OR4D9: variants seen among roughly 807,000 people sequenced by gnomAD.
OR4D9 encodes olfactory receptor family 4 subfamily D member 9, also known as olfactory receptor 4D9.
A neutral mutation model predicts 0.8 loss-of-function variants in OR4D9; 2 were observed. The observed-to-expected ratio is 2.58, with a 90% CI of 1.06 to 8.13. The LOEUF is 8.13. Among genes scored for constraint, OR4D9 ranks in the 30% most tolerant of loss-of-function variants. The pLI is 0.04. For synonymous variants in OR4D9, 146 were observed against 151.2 expected (o/e 0.97, Z 0.25); for missense variants, 399 against 384.7 (o/e 1.04, Z -0.31).
intron 1 of OR4D9, among the ~76,000 whole-genome samples, chr11:59,512,936 A>T (rs1034241340): frequency 1.3e-5 from 2 of 152,220 alleles, no homozygotes. Flanking sequence ...TGGTCCATTA[A>T]ATTTTGCTTT....
At position 59,511,694 on chromosome 11, in the gene OR4D9, A is replaced by C. The variant is rs1430128384; in HGVS notation, c.-177A>C. On this transcript the variant is annotated 5_prime_UTR_variant, in exon 1 of 3. An upstream start codon of the reference 5' UTR is lost. Transcript: ENST00000641962. ...TGCTGAATTTTGAGAAATGCTGCAA[A>C]TGTGTAGAATGTTCCTATGGAAGTC... The C allele has an allele frequency of 6.6e-6, 1 of 152,224 alleles. No homozygotes were observed. Among genetic ancestry groups the C allele is most frequent in the East Asian group, 1.9e-4 (1 of 5,198 alleles). 9.4% of individuals were successfully genotyped at this position (152,224 alleles called of 1,614,324 possible).
At chr11:59,512,514 T>A (rs1590636006) in intron 1 of OR4D9, among the ~76,000 whole-genome samples, 1 of 147,412 alleles carries the variant, frequency 6.8e-6, no homozygotes, top group Non-Finnish European at 1.5e-5. Context: ...AATCCATACG[T>A]GAGTAAAAAA....
rs1210106631 is a variant in OR4D9, at chr11:59,515,989, C to T, written c.*132C>T. On this transcript the variant is annotated 3_prime_UTR_variant, in exon 3 of 3. Coordinates refer to ENST00000641962, the MANE Select transcript of OR4D9 (RefSeq NM_001004711.2). ...CGAGTCCTAAAAGAAGTTATTCCAT[C>T]ATATATGTTGGGGACCACGTGGATG... is the stretch of plus-strand genomic sequence containing the variant. 1 of 685,462 alleles carries T rather than the reference C, an allele frequency of 1.5e-6. No individual in the cohort carries two copies. Among genetic ancestry groups the T allele is most frequent in the East Asian group, 2.7e-5 (1 of 36,772 alleles). 42.5% of individuals were successfully genotyped at this position (685,462 alleles called of 1,614,324 possible). A position where few individuals can be genotyped will look rare whatever the true frequency, so the allele number is the denominator to read the frequency against.
rs1859457616 is a variant in OR4D9, at chr11:59,520,107, A to G, written c.*4250A>G. The G allele has an allele frequency of 6.6e-6, 1 of 151,896 alleles. No individual in the cohort carries two copies. The highest frequency in any genetic ancestry group is 2.4e-5 in the African/African-American group (1 of 41,344). 9.4% of individuals were successfully genotyped at this position (151,896 alleles called of 1,614,324 possible). On this transcript the variant is annotated 3_prime_UTR_variant, in exon 3 of 3. Coordinates refer to ENST00000641962, the MANE Select transcript of OR4D9 (RefSeq NM_001004711.2). ...GTCAGAAAACTACCTATTAGGTACTATGCTCACTACCAAGATTGTCTTCTT... is the reference window on the plus strand; with the variant it reads ...GTCAGAAAACTACCTATTAGGTACTGTGCTCACTACCAAGATTGTCTTCTT...
Position 59,515,859 on chromosome 11 carries a change from G to T in OR4D9, c.*2G>T, listed in dbSNP as rs777402068. 8 of 1,588,926 alleles carry T rather than the reference G, an allele frequency of 5.0e-6. No homozygotes were observed. The highest frequency in any genetic ancestry group is 3.4e-5 in the Admixed American group (2 of 58,096). On this transcript the variant is annotated 3_prime_UTR_variant, in exon 3 of 3. Transcript: ENST00000641962. ...TCAGAAAGGATTTTAATTCAATAAG[G>T]GTAAGATAGTACCCATATTTAAAGA...
In OR4D9 at chr11:59,520,488, A is replaced by G. The variant is rs886113568; in HGVS notation, c.*4631A>G. On this transcript the variant is annotated 3_prime_UTR_variant, in exon 3 of 3. Coordinates refer to ENST00000641962, the MANE Select transcript of OR4D9 (RefSeq NM_001004711.2). ...GGTGGGGGGAGGGGGGAGGGATAGC[A>G]TTAGGAGATATACCTAATGCTAAAT... 6.0e-5 allele frequency: 9 copies of G among 149,724 alleles called. No homozygotes were observed. The highest frequency in any genetic ancestry group is 1.2e-4 in the Non-Finnish European group (8 of 67,424). 9.3% of individuals were successfully genotyped at this position (149,724 alleles called of 1,614,324 possible). A position where few individuals can be genotyped will look rare whatever the true frequency, so the allele number is the denominator to read the frequency against.
In OR4D9 at chr11:59,518,693, A is replaced by C. The variant is rs1210975057; in HGVS notation, c.*2836A>C. 1.3e-5 allele frequency: 2 copies of C among 152,206 alleles called. No individual in the cohort carries two copies. The highest frequency in any genetic ancestry group is 2.9e-5 in the Non-Finnish European group (2 of 68,032). The allele number at this position is 152,206 out of a possible 1,614,324, so 9.4% of individuals were successfully genotyped here. ...TGAGACACCTCACCTGAACATGCTC[A>C]TGCTGTCTTATGCTCCACAGTCTCT... On this transcript the variant is annotated 3_prime_UTR_variant, in exon 3 of 3. Coordinates refer to ENST00000641962, the MANE Select transcript of OR4D9 (RefSeq NM_001004711.2).
Position 59,515,103 on chromosome 11 carries a change from G to T in OR4D9, c.191G>T (p.Arg64Leu). ...CATACGCCCATGTACTTCCTGCTCCGCAACCTGTCTATTCTTGACATCTGC... is the reference window on the plus strand; with the variant it reads ...CATACGCCCATGTACTTCCTGCTCCTCAACCTGTCTATTCTTGACATCTGC... ...HLHTPMYFLLRNLSILDICFS... is the reference protein window; with the variant it reads ...HLHTPMYFLLLNLSILDICFS... The change falls in exon 3 of 3, where the codon CGC (arginine) becomes CTC (leucine). Residue 64 changes from arginine to leucine, a missense_variant. Coordinates refer to ENST00000641962, the MANE Select transcript of OR4D9 (RefSeq NM_001004711.2). The T allele has an allele frequency of 1.2e-6, 2 of 1,614,042 alleles. No homozygotes were observed. The highest frequency in any genetic ancestry group is 1.7e-6 in the Non-Finnish European group (2 of 1,180,006).
At position 59,516,726 on chromosome 11, in the gene OR4D9, T is replaced by G. The variant is rs1000413724; in HGVS notation, c.*869T>G. 1 of 151,350 alleles carries G rather than the reference T, an allele frequency of 6.6e-6. No individual in the cohort carries two copies. The highest frequency in any genetic ancestry group is 2.4e-5 in the African/African-American group (1 of 41,110). 9.4% of individuals were successfully genotyped at this position (151,350 alleles called of 1,614,324 possible). ...GGAGGGATCACTTGAGCCCAAGAGT[T>G]CAAGACCAGCCTGGGCAACTTAGTG... On this transcript the variant is annotated 3_prime_UTR_variant, in exon 3 of 3. Coordinates refer to ENST00000641962, the MANE Select transcript of OR4D9 (RefSeq NM_001004711.2).
rs908933151 is a variant in OR4D9, at chr11:59,514,675, G to A, written c.-122G>A. On this transcript the variant is annotated splice_region_variant and 5_prime_UTR_variant, in exon 2 of 3. Coordinates refer to ENST00000641962, the MANE Select transcript of OR4D9 (RefSeq NM_001004711.2). ...CGGACTTGCAACCTCTGTTTCAGCA[G>A]CAGCAGTGAGAGAACTTTGTCTCCT... 1.1e-4 allele frequency: 46 copies of A among 418,182 alleles called. No individual in the cohort carries two copies. The highest frequency in any genetic ancestry group is 1.8e-4 in the Non-Finnish European group (44 of 237,940). 25.9% of individuals were successfully genotyped at this position (418,182 alleles called of 1,614,324 possible).
chr11:59,513,655 G>A (rs1372423635), intron 1 of OR4D9, among the ~76,000 whole-genome samples: 2 of 152,120 alleles, frequency 1.3e-5, no homozygotes, highest in Non-Finnish European at 2.9e-5. Context: ...CAGTGCTACT[G>A]GTGAGGTGTG....
In OR4D9 at chr11:59,518,752, A is replaced by T. The variant is rs1859437183; in HGVS notation, c.*2895A>T. On this transcript the variant is annotated 3_prime_UTR_variant, in exon 3 of 3. Transcript: ENST00000641962. ...ATAATCCTGTTCATGCATCCAGCAGATAGAGAAAGGGAGAGAAATTAAGAA... is the reference window on the plus strand; with the variant it reads ...ATAATCCTGTTCATGCATCCAGCAGTTAGAGAAAGGGAGAGAAATTAAGAA... The T allele has an allele frequency of 6.6e-6, 1 of 152,288 alleles. No individual in the cohort carries two copies. Among genetic ancestry groups the T allele is most frequent in the African/African-American group, 2.4e-5 (1 of 41,438 alleles). 9.4% of individuals were successfully genotyped at this position (152,288 alleles called of 1,614,324 possible). A position where few individuals can be genotyped will look rare whatever the true frequency, so the allele number is the denominator to read the frequency against.
rs1434146066 is a variant in OR4D9, at chr11:59,515,239, A to G, written c.327A>G (p.Gly109=). Residue 109 remains glycine, a synonymous_variant, in exon 3 of 3, where the codon GGA becomes GGG. Coordinates refer to ENST00000641962, the MANE Select transcript of OR4D9 (RefSeq NM_001004711.2). ...TQMFFFHLLG[G]ADVFSLSVMA... The stretch of plus-strand genomic sequence containing the variant: ...TGTTCTTCTTCCACCTTCTGGGGGG[A>G]GCAGACGTTTTTTCTCTCTCTGTGA... The G allele has an allele frequency of 6.2e-7, 1 of 1,612,798 alleles. No individual in the cohort carries two copies. The highest frequency in any genetic ancestry group is 8.5e-7 in the Non-Finnish European group (1 of 1,179,782).
intron 1 of OR4D9, among the ~76,000 whole-genome samples, chr11:59,513,716 C>G (rs926622842): frequency 2.0e-5 from 3 of 151,764 alleles, no homozygotes; most frequent in East Asian, 1.9e-4. Flanking sequence ...GAAGATCACC[C>G]GAGGCCAGGA....
In OR4D9 at chr11:59,517,247, A is replaced by G. The variant is rs1859417058; in HGVS notation, c.*1390A>G. 6.7e-6 allele frequency: 1 copy of G among 149,026 alleles called. No homozygotes were observed. Among genetic ancestry groups the G allele is most frequent in the Non-Finnish European group, 1.5e-5 (1 of 67,326 alleles). 9.2% of individuals were successfully genotyped at this position (149,026 alleles called of 1,614,324 possible). ...AAGACACTTGTCAAAAAAAAAAAAG[A>G]AAAGAAAAGACAAAAAGAAACCAGC... On this transcript the variant is annotated 3_prime_UTR_variant, in exon 3 of 3. Coordinates refer to ENST00000641962, the MANE Select transcript of OR4D9 (RefSeq NM_001004711.2).
chr11:59,515,275 C>T lies in OR4D9; in HGVS notation c.363C>T (p.Asp121=). ...DVFSLSVMAF[D]RYIAISKPLH... is the part of the protein sequence containing the mutation. ...TTTCTCTCTCTGTGATGGCGTTTGA[C>T]CGCTATATAGCCATCTCCAAGCCCC... The change falls in exon 3 of 3, where the codon GAC becomes GAT. Residue 121 remains aspartate, a synonymous_variant. Transcript: ENST00000641962. 1 of 1,612,438 alleles carries T rather than the reference C, an allele frequency of 6.2e-7. No homozygotes were observed. Among genetic ancestry groups the T allele is most frequent in the Non-Finnish European group, 8.5e-7 (1 of 1,179,450 alleles).
chr11:59,517,564 G>C lies in OR4D9; in HGVS notation c.*1707G>C, dbSNP rs1859420459. Reference sequence around the variant, plus strand: ...AGAATCACTGTTGCCGGGCGCAGTGGCTCACGCCTGTAATCCCAGCACTTT... The same window carrying C: ...AGAATCACTGTTGCCGGGCGCAGTGCCTCACGCCTGTAATCCCAGCACTTT... On this transcript the variant is annotated 3_prime_UTR_variant, in exon 3 of 3. Transcript: ENST00000641962. The C allele has an allele frequency of 6.6e-6, 1 of 152,286 alleles. No homozygotes were observed. Among genetic ancestry groups the C allele is most frequent in the Admixed American group, 6.5e-5 (1 of 15,286 alleles). The allele number at this position is 152,286 out of a possible 1,614,324, so 9.4% of individuals were successfully genotyped here.
rs1348764915 is a variant in OR4D9 at position 59,514,737 on chromosome 11, C to T, written c.-60C>T. The T allele has an allele frequency of 2.1e-5, 11 of 527,328 alleles. No individual in the cohort carries two copies. Among genetic ancestry groups the T allele is most frequent in the Middle Eastern group, 4.7e-4 (1 of 2,136 alleles). 32.7% of individuals were successfully genotyped at this position (527,328 alleles called of 1,614,324 possible). A position where few individuals can be genotyped will look rare whatever the true frequency, so the allele number is the denominator to read the frequency against. On this transcript the variant is annotated 5_prime_UTR_variant, in exon 2 of 3. Coordinates refer to ENST00000641962, the MANE Select transcript of OR4D9 (RefSeq NM_001004711.2). ...ATCAAAAACCTGGGTAATCTTTCAT[C>T]CAGTGGTGGCATACTGACTTGCAGA... is the stretch of plus-strand genomic sequence containing the variant.
rs200004408 is a variant in OR4D9 at position 59,512,204 on chromosome 11, TG to T, written c.-125+465del. The stretch of plus-strand genomic sequence containing the variant: ...ATTTGCTCAATGGGATGCTGGGGTA[TG>T]GGGGGGAATCCTCAGTTTGCAGGCT... On this transcript the variant is annotated intron_variant, in intron 1 of 2. Transcript: ENST00000641962. Among the ~76,000 whole-genome samples, 5 of 152,060 alleles carry T rather than the reference TG, an allele frequency of 3.3e-5. No homozygotes were observed. The East Asian group carries it at 7.7e-4, about 24-fold the overall frequency.
Sources: gnomAD v4.1 joint callset for allele counts (sites outside exome capture counted in the v4.1 genomes callset) on GRCh38, gnomAD v4.1.1 for gene constraint, MANE v1.5 for transcripts, NCBI Gene and HGNC (gene_info 2026-07-23, HGNC 2026-07-21) for gene names.